DDAH1: variants seen among roughly 807,000 people sequenced by gnomAD.
The protein encoded by DDAH1 is N(G),N(G)-dimethylarginine dimethylaminohydrolase 1.
A neutral mutation model predicts 28.8 loss-of-function variants in DDAH1; 19 were observed. That is an observed-to-expected ratio of 0.66 (90% CI 0.46 to 0.97). The LOEUF (loss-of-function observed/expected upper bound fraction) is 0.97. Ranked by LOEUF, DDAH1 falls within the 50% of genes least tolerant of loss-of-function variation. The probability of loss-of-function intolerance (pLI) is 0.00; values close to 1 mark genes in which losing one functional copy is unlikely to be tolerated. For synonymous variants in DDAH1, 153 were observed against 154.4 expected (o/e 0.99, Z 0.07); for missense variants, 326 against 375.9 (o/e 0.87, Z 1.10).
Position 85,351,552 on chromosome 1 carries a change from T to A in DDAH1, c.431A>T (p.Lys144Ile). ...TGREFFVGLS[K>I]RTNQRGAEIL... Reference sequence around the variant, plus strand: ...TTCAGCACCTCGTTGATTTGTCCTTTTGGAAAGGCCCACAAAAAATTCTCT... The same window carrying A: ...TTCAGCACCTCGTTGATTTGTCCTTATGGAAAGGCCCACAAAAAATTCTCT... Residue 144 changes from lysine to isoleucine, a missense_variant, in exon 3 of 6, where the codon AAA becomes ATA. Coordinates refer to ENST00000284031, the MANE Select transcript of DDAH1 (RefSeq NM_012137.4). 1 of 1,614,132 alleles carries A rather than the reference T, an allele frequency of 6.2e-7. No homozygotes were observed. Among genetic ancestry groups the A allele is most frequent in the Non-Finnish European group, 8.5e-7 (1 of 1,180,006 alleles).
chr1:85,534,803 C>T (rs1476582873), intron 1 of DDAH1, among the ~76,000 whole-genome samples: 1 of 152,110 alleles, frequency 6.6e-6, no homozygotes, highest in African/African-American at 2.4e-5. Flanking sequence ...CCAGACAGCA[C>T]AGCTGCCAAG....
chr1:85,400,240 G>C (rs1652024019), intron 1 of DDAH1, among the ~76,000 whole-genome samples: 1 of 71,538 alleles, frequency 1.4e-5, no homozygotes, highest in African/African-American at 6.0e-5. Context: ...GCCCAGGCTG[G>C]AAGTACAGTG....
Position 85,410,328 on chromosome 1 carries a change from G to A in DDAH1, c.304-51481C>T, listed in dbSNP as rs183091696. 1.3e-3 allele frequency among the ~76,000 whole-genome samples: 196 copies of A among 151,262 alleles called. 1 individual carries two copies. The highest frequency in any genetic ancestry group is 4.5e-3 in the African/African-American group (187 of 41,204). On this transcript the variant is annotated intron_variant, in intron 1 of 5. Transcript: ENST00000284031. ...AGAAATTTCCTTAAAATGTAATAAT[G>A]TTTATCTCTTTTTGAGAAAAAGGAA... is the stretch of plus-strand genomic sequence containing the variant.
At chr1:85,525,063 A>G (rs1308349414) in intron 1 of DDAH1, among the ~76,000 whole-genome samples, 3 of 148,698 alleles carry the variant, frequency 2.0e-5, no homozygotes, top group Admixed American at 1.4e-4. Flanking sequence ...TAGGTATGAA[A>G]TATAGAAAAT....
intron 1 of DDAH1, among the ~76,000 whole-genome samples, chr1:85,443,464 GC>G (rs1654292727): frequency 6.6e-6 from 1 of 152,174 alleles, no homozygotes; most frequent in East Asian, 1.9e-4. Context: ...GTAGCATGAT[GC>G]CTCCAGCTTT....
At chr1:85,528,703 A>G (rs1657956464) in intron 1 of DDAH1, among the ~76,000 whole-genome samples, 3 of 152,154 alleles carry the variant, frequency 2.0e-5, no homozygotes, top group Admixed American at 2.0e-4. Context: ...AGAAAAGATA[A>G]TGAGGCTCAT....
intron 1 of DDAH1, among the ~76,000 whole-genome samples, chr1:85,500,191 TCTTC>T (rs1318546009): frequency 6.6e-6 from 1 of 150,412 alleles, no homozygotes; most frequent in African/African-American, 2.4e-5. Context: ...CTTCATCTTT[TCTTC>T]CTTCCTTTCT....
chr1:85,474,810 A>G (rs1392769529), intron 2 of DDAH1, among the ~76,000 whole-genome samples: 1 of 152,130 alleles, frequency 6.6e-6, no homozygotes, highest in East Asian at 1.9e-4. Context: ...AAATAAGAAA[A>G]TTATACTAGG....
chr1:85,355,741 A>T (rs1055460076), intron 2 of DDAH1, among the ~76,000 whole-genome samples: 1 of 152,204 alleles, frequency 6.6e-6, no homozygotes, highest in Non-Finnish European at 1.5e-5. Flanking sequence ...AAACTGGAAA[A>T]CATCCAAAAA....
intron 1 of DDAH1, among the ~76,000 whole-genome samples, chr1:85,573,891 C>T (rs1434202642): frequency 6.6e-6 from 1 of 152,196 alleles, no homozygotes. Flanking sequence ...CCTACAATTT[C>T]ACAGGTGGCT....
intron 1 of DDAH1, among the ~76,000 whole-genome samples, chr1:85,439,666 A>C (rs1654102462): frequency 6.6e-6 from 1 of 152,252 alleles, no homozygotes; most frequent in East Asian, 1.9e-4. Context: ...ATTTAGAAAG[A>C]ATTCAACATA....
At chr1:85,463,569 G>A (rs1557659967) in intron 1 of DDAH1, among the ~76,000 whole-genome samples, 1 of 152,112 alleles carries the variant, frequency 6.6e-6, no homozygotes, top group South Asian at 2.1e-4. Context: ...GTTAATGGAG[G>A]GTGAAATAAA....
chr1:85,343,042 T>C (rs1352883753), intron 4 of DDAH1, among the ~76,000 whole-genome samples: 1 of 152,222 alleles, frequency 6.6e-6, no homozygotes, highest in East Asian at 1.9e-4. Context: ...TAAGGCTATG[T>C]GGCCAACCAT....
At chr1:85,403,587 T>C (rs1309623184) in intron 1 of DDAH1, among the ~76,000 whole-genome samples, 1 of 152,158 alleles carries the variant, frequency 6.6e-6, no homozygotes, top group Admixed American at 6.5e-5. Context: ...AATTGCTCCT[T>C]AGTCAATATA....
intron 1 of DDAH1, among the ~76,000 whole-genome samples, chr1:85,374,833 A>C (rs1464393489): frequency 2.6e-5 from 4 of 152,182 alleles, no homozygotes; most frequent in African/African-American, 9.6e-5. Context: ...GCTTTAAATT[A>C]GATTTTCTGA....
Position 85,366,928 on chromosome 1 carries a change from T to C in DDAH1, c.304-8081A>G, listed in dbSNP as rs866785783. The stretch of plus-strand genomic sequence containing the variant: ...ACTTGCCAGTAGTGAGATAAGTATA[T>C]GACACAGAGAATCTACAATGCTTTT... On this transcript the variant is annotated intron_variant, in intron 1 of 5. Coordinates refer to ENST00000284031, the MANE Select transcript of DDAH1 (RefSeq NM_012137.4). Among the ~76,000 whole-genome samples the C allele has an allele frequency of 2.8e-4, 42 of 152,330 alleles. 1 individual carries two copies. Among genetic ancestry groups the C allele is most frequent in the Middle Eastern group, 6.8e-3 (2 of 294 alleles).
intron 1 of DDAH1, among the ~76,000 whole-genome samples, chr1:85,375,043 G>C (rs1650586220): frequency 6.7e-6 from 1 of 148,224 alleles, no homozygotes; most frequent in South Asian, 2.2e-4. Context: ...ATTAGGATAG[G>C]TGTTAAAATT....
At chr1:85,392,099 G>GT (rs1255986851) in intron 1 of DDAH1, among the ~76,000 whole-genome samples, 1 of 151,886 alleles carries the variant, frequency 6.6e-6, no homozygotes, top group African/African-American at 2.4e-5. Flanking sequence ...CTCCATTTTT[G>GT]TTTTTGTTTT....
intron 4 of DDAH1, among the ~76,000 whole-genome samples, chr1:85,331,886 C>A (rs1207509541): frequency 6.6e-6 from 1 of 152,152 alleles, no homozygotes. Context: ...CAGAAAACAC[C>A]TGAGATACTG....
Sources: gnomAD v4.1 joint callset for allele counts (sites outside exome capture counted in the v4.1 genomes callset) on GRCh38, gnomAD v4.1.1 for gene constraint, MANE v1.5 for transcripts, NCBI Gene and HGNC (gene_info 2026-07-23, HGNC 2026-07-21) for gene names.